Variants in CACNA2D2 observed in about 807,000 individuals in gnomAD.
The protein encoded by CACNA2D2 is voltage-dependent calcium channel subunit alpha-2/delta-2.
A neutral mutation model predicts 166.4 loss-of-function variants in CACNA2D2; 48 were observed. The observed-to-expected ratio is 0.29, with a 90% CI of 0.23 to 0.37. The LOEUF is 0.37. Ranked by LOEUF, CACNA2D2 falls within the 10% of genes least tolerant of loss-of-function variation. The pLI is 1.00. For synonymous variants in CACNA2D2, 561 were observed against 573.7 expected, an observed-to-expected ratio of 0.98 and a Z score of 0.32; for missense variants, 1,122 against 1,433.0, an observed-to-expected ratio of 0.78 and a Z score of 3.50.
In CACNA2D2 at chr3:50,398,107, G is replaced by A. The variant is rs569082505; in HGVS notation, c.406-3939C>T. ...GGGCAAGAAACTGAGGCCCAGAGGC[G>A]AGGGAAGAACCTATTGGGATACCAC... On this transcript the variant is annotated intron_variant, in intron 3 of 37. Transcript: ENST00000424201. 5.3e-5 allele frequency among the ~76,000 whole-genome samples: 8 copies of A among 152,308 alleles called. No homozygotes were observed. In the South Asian group the frequency reaches 6.2e-4, roughly 12 times the overall value.
At chr3:50,383,594 G>A (rs1462607620) in intron 6 of CACNA2D2, among the ~76,000 whole-genome samples, 1 of 152,118 alleles carries the variant, frequency 6.6e-6, no homozygotes, top group Non-Finnish European at 1.5e-5. Context: ...GTGTAAAGCT[G>A]CCTTGTCCCT....
chr3:50,367,745 G>A lies in CACNA2D2; in HGVS notation c.2235-41C>T. 13 of 1,611,152 alleles carry A rather than the reference G, an allele frequency of 8.1e-6. No individual in the cohort carries two copies. Among genetic ancestry groups the A allele is most frequent in the Non-Finnish European group, 1.0e-5 (12 of 1,177,800 alleles). ...GGGTGGGGTCACAGGCCTGCCTTCTGCTGGGCAGGTCCAGGGCCTCTGGGC... is the reference window on the plus strand; with the variant it reads ...GGGTGGGGTCACAGGCCTGCCTTCTACTGGGCAGGTCCAGGGCCTCTGGGC... On this transcript the variant is annotated intron_variant, in intron 25 of 37. Coordinates refer to ENST00000424201, the MANE Select transcript of CACNA2D2 (RefSeq NM_006030.4). This position sits in a 1 kb window ranked among gnomAD's most constrained non-coding sequence, Gnocchi z 6.5.
At chr3:50,463,788 T>C (rs916039816) in intron 2 of CACNA2D2, among the ~76,000 whole-genome samples, 1 of 152,258 alleles carries the variant, frequency 6.6e-6, no homozygotes, top group Non-Finnish European at 1.5e-5. Flanking sequence ...ACAGACATCC[T>C]GTCCCAGGGG....
intron 22 of CACNA2D2, among the ~76,000 whole-genome samples, chr3:50,373,803 AGAG>A (rs1014631513): frequency 8.7e-6 from 1 of 114,714 alleles, no homozygotes; most frequent in Non-Finnish European, 1.8e-5. Context: ...GTAGGAAGTG[AGAG>A]GAGAAGGATG....
chr3:50,475,592 A>G (rs1710274638), intron 2 of CACNA2D2, among the ~76,000 whole-genome samples: 1 of 152,126 alleles, frequency 6.6e-6, no homozygotes, highest in African/African-American at 2.4e-5. Flanking sequence ...AAACATTAAC[A>G]TAATCTCCCA....
At chr3:50,377,926 G>C in intron 15 of CACNA2D2, 82 bp downstream of exon 15, 1 of 1,507,488 alleles carries the variant, frequency 6.6e-7, no homozygotes, top group Non-Finnish European at 9.2e-7. Flanking sequence ...CCCATAAGGG[G>C]GCCCTCCAGG....
chr3:50,466,271 CATGT>C (rs1403014061), intron 2 of CACNA2D2, among the ~76,000 whole-genome samples: 2 of 140,298 alleles, frequency 1.4e-5, no homozygotes, highest in East Asian at 5.8e-4. Flanking sequence ...TGTGTGTGCG[CATGT>C]GTGTGTGTGT....
chr3:50,424,062 T>C (rs1707695268), intron 3 of CACNA2D2, among the ~76,000 whole-genome samples: 1 of 152,264 alleles, frequency 6.6e-6, no homozygotes, highest in Non-Finnish European at 1.5e-5. Flanking sequence ...CGGCCATACC[T>C]GTTCCAACTG....
At chr3:50,462,762 G>A (rs1242926609) in intron 2 of CACNA2D2, among the ~76,000 whole-genome samples, 1 of 152,144 alleles carries the variant, frequency 6.6e-6, no homozygotes, top group East Asian at 1.9e-4. Context: ...AGCTGGAAAT[G>A]GAGAGGAGGG....
intron 3 of CACNA2D2, among the ~76,000 whole-genome samples, chr3:50,410,484 G>GGGC (rs1461763122): frequency 6.6e-6 from 1 of 152,056 alleles, no homozygotes; most frequent in Non-Finnish European, 1.5e-5. Context: ...CTGGGATGGG[G>GGGC]GGGGGGGTGT....
intron 3 of CACNA2D2, among the ~76,000 whole-genome samples, chr3:50,433,464 C>G (rs892321280): frequency 2.0e-5 from 3 of 152,104 alleles, no homozygotes; most frequent in Non-Finnish European, 4.4e-5. Flanking sequence ...ATCCTGGGCT[C>G]AAGCCTCAGC....
chr3:50,462,294 A>G (rs1575726963), intron 2 of CACNA2D2, among the ~76,000 whole-genome samples: 1 of 151,898 alleles, frequency 6.6e-6, no homozygotes, highest in Non-Finnish European at 1.5e-5. Context: ...GGGCTCAGGC[A>G]GGAGAATTGC....
In CACNA2D2 at chr3:50,453,311, C is replaced by T. The variant is rs566061387; in HGVS notation, c.289-18882G>A. On this transcript the variant is annotated intron_variant, in intron 2 of 37. Coordinates refer to ENST00000424201, the MANE Select transcript of CACNA2D2 (RefSeq NM_006030.4). ...TAGCAGCCTCTCCATCTGTACTGCA[C>T]ATACACTGCACAGCCTACAGCAGGT... Among the ~76,000 whole-genome samples, 11 of 152,360 alleles carry T rather than the reference C, an allele frequency of 7.2e-5. No homozygotes were observed. The East Asian group carries it at 1.9e-3, about 27-fold the overall frequency.
intron 22 of CACNA2D2, among the ~76,000 whole-genome samples, chr3:50,373,458 C>T (rs1317729581): frequency 1.5e-5 from 2 of 129,072 alleles, no homozygotes; most frequent in East Asian, 4.8e-4. Flanking sequence ...AGGGGTGAGC[C>T]ACAGGCAGAG....
chr3:50,381,192 G>T, intron 6 of CACNA2D2, 66 bp from the exon 7 acceptor site: 2 of 1,561,964 alleles, frequency 1.3e-6, no homozygotes, highest in Non-Finnish European at 1.8e-6. Context: ...CCACCACCAC[G>T]ACACTCATGC....
At chr3:50,482,380 G>A (rs1698090460) in intron 1 of CACNA2D2, among the ~76,000 whole-genome samples, 1 of 152,222 alleles carries the variant, frequency 6.6e-6, no homozygotes. Context: ...TGAGTGTACA[G>A]TACCTAGTGT....
chr3:50,481,185 C>G (rs2107116072), intron 1 of CACNA2D2, among the ~76,000 whole-genome samples: 1 of 152,078 alleles, frequency 6.6e-6, no homozygotes, highest in East Asian at 1.9e-4. Context: ...GTGTGGGCAG[C>G]TGGACCCAGC....
intron 4 of CACNA2D2, among the ~76,000 whole-genome samples, chr3:50,392,053 T>C (rs990937040): frequency 3.3e-5 from 5 of 152,126 alleles, no homozygotes; most frequent in Non-Finnish European, 5.9e-5. Context: ...GAGGCTAGAA[T>C]TGTGGCACAG....
Position 50,377,488 on chromosome 3 carries a change from C to T in CACNA2D2, c.1605G>A (p.Lys535=), listed in dbSNP as rs769113801. 2.5e-6 allele frequency: 4 copies of T among 1,613,200 alleles called. No individual in the cohort carries two copies. The highest frequency in any genetic ancestry group is 3.4e-6 in the Non-Finnish European group (4 of 1,179,966). Residue 535 remains lysine (K), a synonymous_variant, in exon 17 of 38, where the codon AAG becomes AAA. Coordinates refer to ENST00000424201, the MANE Select transcript of CACNA2D2 (RefSeq NM_006030.4). The part of the protein sequence containing the change: ...MGIDVALNDI[K]RLTPNYTLGA... Reference sequence around the variant, plus strand: ...TCACCGTGTAGTTGGGGGTCAGCCTCTTGATGTCATTCAGAGCCACGTCAA... The same window carrying T: ...TCACCGTGTAGTTGGGGGTCAGCCTTTTGATGTCATTCAGAGCCACGTCAA...
Sources: gnomAD v4.1 joint callset for allele counts (sites outside exome capture counted in the v4.1 genomes callset) on GRCh38, gnomAD v4.1.1 for gene constraint, Gnocchi (gnomAD v3.1) non-coding constraint, MANE v1.5 for transcripts, NCBI Gene and HGNC (gene_info 2026-07-23, HGNC 2026-07-21) for gene names.